AK5: variants seen among roughly 807,000 people sequenced by gnomAD.
The protein encoded by AK5 is adenylate kinase 5, also known as adenylate kinase isoenzyme 5.
Under a neutral mutation model 69.5 loss-of-function variants are expected in AK5, and 27 were observed. The observed-to-expected ratio is 0.39, with a 90% CI of 0.29 to 0.54. The LOEUF (loss-of-function observed/expected upper bound fraction) is 0.54. AK5 is among the 20% of genes least tolerant of loss of function. The pLI is 0.71. For missense variants in AK5, 531 were observed against 700.4 expected (o/e 0.76, Z 2.73); for synonymous variants, 260 against 244.4 (o/e 1.06, Z -0.60).
chr1:77,522,039 T>A, intron 12 of AK5, 96 bp downstream of exon 12: 2 of 969,978 alleles, frequency 2.1e-6, no homozygotes, highest in Non-Finnish European at 3.0e-6. Flanking sequence ...CCAATTACAT[T>A]AATGAAAACT....
intron 3 of AK5, among the ~76,000 whole-genome samples, chr1:77,295,958 T>C (rs1483075920): frequency 6.6e-6 from 1 of 152,178 alleles, no homozygotes; most frequent in Non-Finnish European, 1.5e-5. Flanking sequence ...ATTCTTGTTA[T>C]AGGCTTACAT....
intron 6 of AK5, among the ~76,000 whole-genome samples, chr1:77,379,055 C>T (rs563971385): frequency 2.5e-4 from 38 of 152,268 alleles, no homozygotes; most frequent in African/African-American, 8.2e-4. Flanking sequence ...TCCTGCTCCC[C>T]AGGCCCACAG....
chr1:77,423,915 A>G (rs1235942021), intron 8 of AK5, among the ~76,000 whole-genome samples: 1 of 152,204 alleles, frequency 6.6e-6, no homozygotes, highest in Non-Finnish European at 1.5e-5. Flanking sequence ...CCAGGGCATA[A>G]CATTCCTAGA....
At chr1:77,510,226 G>T (rs976156820) in intron 10 of AK5, among the ~76,000 whole-genome samples, 8 of 152,154 alleles carry the variant, frequency 5.3e-5, no homozygotes, top group African/African-American at 1.9e-4. Context: ...TAAGTGAAGT[G>T]GTTTCTGCCC....
chr1:77,426,298 C>T (rs978709951), intron 8 of AK5, among the ~76,000 whole-genome samples: 1 of 152,104 alleles, frequency 6.6e-6, no homozygotes, highest in African/African-American at 2.4e-5. Flanking sequence ...CTCTACCACG[C>T]TAACGCTAAT....
chr1:77,403,511 A>C (rs1019491025), intron 6 of AK5, among the ~76,000 whole-genome samples: 3 of 152,208 alleles, frequency 2.0e-5, no homozygotes, highest in Non-Finnish European at 2.9e-5. Flanking sequence ...AGCTTTCTAC[A>C]TATGGCTAGC....
intron 6 of AK5, among the ~76,000 whole-genome samples, chr1:77,401,775 T>C (rs1465591336): frequency 6.6e-6 from 1 of 152,216 alleles, no homozygotes; most frequent in Non-Finnish European, 1.5e-5. Context: ...TGCATAATTC[T>C]CCTCCCTCTG....
At chr1:77,433,809 T>C (rs1213189983) in intron 8 of AK5, among the ~76,000 whole-genome samples, 1 of 152,060 alleles carries the variant, frequency 6.6e-6, no homozygotes. Context: ...TTTAATTTCA[T>C]GTAATTAATT....
At chr1:77,369,998 A>G (rs1220265361) in intron 6 of AK5, among the ~76,000 whole-genome samples, 2 of 152,216 alleles carry the variant, frequency 1.3e-5, no homozygotes, top group African/African-American at 2.4e-5. Flanking sequence ...TGAGAAAGTC[A>G]TATAATTTCT....
At chr1:77,283,130 G>A in intron 1 of AK5, 1 of 985,860 alleles carries the variant, frequency 1.0e-6, no homozygotes, top group Non-Finnish European at 1.2e-6. Flanking sequence ...CGGGACCCGG[G>A]AATGGGGGGA....
intron 6 of AK5, among the ~76,000 whole-genome samples, chr1:77,355,894 C>T (rs991773189): frequency 1.1e-4 from 16 of 151,394 alleles, no homozygotes; most frequent in Non-Finnish European, 1.2e-4. Flanking sequence ...CACACACACA[C>T]ACACACACAC....
intron 10 of AK5, among the ~76,000 whole-genome samples, chr1:77,514,613 C>A (rs1050313570): frequency 2.0e-5 from 3 of 151,752 alleles, no homozygotes; most frequent in Admixed American, 1.3e-4. Flanking sequence ...GTGCCTGCGC[C>A]ATTTGGCCAA....
intron 11 of AK5, among the ~76,000 whole-genome samples, chr1:77,519,826 G>A (rs1329027573): frequency 1.3e-5 from 2 of 152,176 alleles, no homozygotes; most frequent in Admixed American, 1.3e-4. Context: ...GTTTTACCCA[G>A]TTTCTCTACT....
chr1:77,507,499 A>G (rs1020145983), intron 10 of AK5, among the ~76,000 whole-genome samples: 1 of 152,228 alleles, frequency 6.6e-6, no homozygotes, highest in African/African-American at 2.4e-5. Flanking sequence ...AGTAGTCTGC[A>G]ATGACTTCTC....
At chr1:77,527,295 C>A (rs548426733) in intron 12 of AK5, among the ~76,000 whole-genome samples, 2 of 152,270 alleles carry the variant, frequency 1.3e-5, no homozygotes, top group Non-Finnish European at 2.9e-5. Flanking sequence ...TGCTTAAAAC[C>A]CAGTTAGGGT....
chr1:77,422,014 G>A (rs933646923), intron 8 of AK5, among the ~76,000 whole-genome samples: 19 of 152,150 alleles, frequency 1.2e-4, no homozygotes, highest in African/African-American at 4.1e-4. Context: ...CCAAAACCAC[G>A]CTCACCATCT....
intron 8 of AK5, among the ~76,000 whole-genome samples, chr1:77,426,147 A>C (rs183438603): frequency 6.6e-6 from 1 of 152,328 alleles, no homozygotes; most frequent in Admixed American, 6.5e-5. Flanking sequence ...AATCACTTTA[A>C]ATTTCAGTGA....
chr1:77,324,989 T>TTTTTTTTTTTTG, intron 5 of AK5, among the ~76,000 whole-genome samples: 1 of 150,964 alleles, frequency 6.6e-6, no homozygotes, highest in African/African-American at 2.4e-5. Flanking sequence ...ACTTTTTTTT[T>TTTTTTTTTTTTG]TGAGACGGAG....
chr1:77,370,191 T>C (rs1021141118), intron 6 of AK5, among the ~76,000 whole-genome samples: 3 of 152,198 alleles, frequency 2.0e-5, no homozygotes, highest in Non-Finnish European at 2.9e-5. Context: ...GGTCCTCACC[T>C]GCTCACTCCT....
Sources: allele counts gnomAD v4.1 joint callset (sites outside exome capture counted in the v4.1 genomes callset), GRCh38; gene constraint gnomAD v4.1.1; transcripts MANE v1.5; gene names NCBI Gene and HGNC (gene_info 2026-07-23, HGNC 2026-07-21).